The following UTP18 variants were observed in gnomAD, a reference collection of about 807,000 sequenced individuals.
UTP18 encodes UTP18 small subunit processome component.
In UTP18, 36 loss-of-function variants were observed where a neutral mutation model predicts 61.1. That is an observed-to-expected ratio of 0.59 (90% CI 0.45 to 0.78). The LOEUF (loss-of-function observed/expected upper bound fraction) is 0.78, where lower values mean the gene tolerates loss of function less well. Ranked by LOEUF, UTP18 falls within the 30% of genes least tolerant of loss-of-function variation. The probability of loss-of-function intolerance (pLI) is 0.00; values close to 1 mark genes in which losing one functional copy is unlikely to be tolerated. For missense variants in UTP18, 753 were observed against 693.9 expected (o/e 1.09, Z -0.96); for synonymous variants, 282 against 251.1 (o/e 1.12, Z -1.16).
Position 51,293,680 on chromosome 17 carries a change from T to C in UTP18, c.1504-223T>C, listed in dbSNP as rs1163934319. 2.6e-5 allele frequency among the ~76,000 whole-genome samples: 4 copies of C among 152,254 alleles called. 1 individual carries two copies. The South Asian group carries it at 8.3e-4, about 32-fold the overall frequency. ...ACTTCACCACTGTGCAAGAAATTCA[T>C]GTAGCAAAACTGCAGCTGTATCTCT... On this transcript the variant is annotated intron_variant, in intron 11 of 13. Coordinates refer to ENST00000225298, the MANE Select transcript of UTP18 (RefSeq NM_016001.3).
At chr17:51,281,138 C>CAA (rs1158351524) in intron 9 of UTP18, among the ~76,000 whole-genome samples, 59 of 136,726 alleles carry the variant, frequency 4.3e-4, no homozygotes, top group African/African-American at 1.7e-3. Context: ...GATCACGTCT[C>CAA]AAAATATATA....
At chr17:51,292,003 A>G (rs1253962615) in intron 11 of UTP18, among the ~76,000 whole-genome samples, 1 of 152,202 alleles carries the variant, frequency 6.6e-6, no homozygotes, top group Non-Finnish European at 1.5e-5. Context: ...GCTTTGGATC[A>G]TCTGTTCATA....
chr17:51,270,565 G>A (rs965259229), intron 4 of UTP18, among the ~76,000 whole-genome samples: 2 of 152,288 alleles, frequency 1.3e-5, no homozygotes, highest in East Asian at 1.9e-4. Flanking sequence ...TAAAATTGGG[G>A]TGGTAGGAAG....
rs199741655 is a variant in UTP18 at position 51,267,461 on chromosome 17, GT to G, written c.554+1194del. Among the ~76,000 whole-genome samples the G allele has an allele frequency of 2.2e-3, 317 of 141,600 alleles. 1 individual carries two copies. The highest frequency in any genetic ancestry group is 6.3e-3 in the African/African-American group (241 of 38,054). The allele number at this position is 141,600 out of a possible 152,430, so 92.9% of individuals were successfully genotyped here. ...ATCTAGTTCTAAAACTTTTTTTTTG[GT>G]TTTTTTTTTTTTGGTTCTTAAACAT... On this transcript the variant is annotated intron_variant, in intron 3 of 13. Coordinates refer to ENST00000225298, the MANE Select transcript of UTP18 (RefSeq NM_016001.3).
At chr17:51,292,336 A>G (rs1207802436) in intron 11 of UTP18, among the ~76,000 whole-genome samples, 2 of 152,254 alleles carry the variant, frequency 1.3e-5, no homozygotes, top group Non-Finnish European at 2.9e-5. Flanking sequence ...CATTAGCACC[A>G]TTGCCTTCAC....
chr17:51,278,958 A>G (rs1263916403), intron 7 of UTP18, among the ~76,000 whole-genome samples: 1 of 152,166 alleles, frequency 6.6e-6, no homozygotes, highest in Non-Finnish European at 1.5e-5. Context: ...GGGAGACAGG[A>G]CTAGAGTGGG....
intron 4 of UTP18, among the ~76,000 whole-genome samples, chr17:51,272,405 T>C (rs1194877769): frequency 6.6e-6 from 1 of 152,160 alleles, no homozygotes. Flanking sequence ...GGCCTGAACA[T>C]AGTATTTTTA....
rs1350185337 is a variant in UTP18, at chr17:51,297,818, A to G, written c.*51A>G. On this transcript the variant is annotated 3_prime_UTR_variant, in exon 14 of 14. Transcript: ENST00000225298. ...TCACAAGAGAAGCCTGTCTTGATAT[A>G]TCATCTCAGAAACTTTCCTGAATAT... 1 of 387,318 alleles carries G rather than the reference A, an allele frequency of 2.6e-6. No individual in the cohort carries two copies. The highest frequency in any genetic ancestry group is 2.2e-5 in the African/African-American group (1 of 44,656). The allele number at this position is 387,318 out of a possible 1,614,324, so 24.0% of individuals were successfully genotyped here.
At chr17:51,280,335 G>A in intron 8 of UTP18, 54 bp from the exon 9 acceptor site, 1 of 1,578,438 alleles carries the variant, frequency 6.3e-7, no homozygotes, top group Non-Finnish European at 8.7e-7. Flanking sequence ...TCTACATTGT[G>A]TGATTCTTCT....
intron 12 of UTP18, 98 bp from the exon 13 acceptor site, chr17:51,296,867 T>C (rs1389272042): frequency 2.7e-6 from 3 of 1,126,038 alleles, no homozygotes; most frequent in Non-Finnish European, 3.8e-6. Context: ...TACATATTTT[T>C]CCCACTAAAA....
intron 7 of UTP18, among the ~76,000 whole-genome samples, chr17:51,278,178 C>T (rs1442445484): frequency 2.0e-5 from 3 of 152,118 alleles, no homozygotes; most frequent in Non-Finnish European, 4.4e-5. Flanking sequence ...CCTTGGTTTA[C>T]CCTAAGGCAG....
chr17:51,270,643 T>G, intron 4 of UTP18, among the ~76,000 whole-genome samples: 1 of 152,188 alleles, frequency 6.6e-6, no homozygotes, highest in East Asian at 1.9e-4. Flanking sequence ...TCTTCCAGAG[T>G]TGCCTAAGAT....
intron 9 of UTP18, among the ~76,000 whole-genome samples, chr17:51,281,164 A>ATAT (rs59857038): frequency 0.011 from 1,526 of 140,368 alleles, 35 homozygotes; most frequent in Middle Eastern, 0.03. Context: ...ATATATATAT[A>ATAT]TTTTTTTTAA....
intron 9 of UTP18, among the ~76,000 whole-genome samples, chr17:51,282,995 A>T (rs1447179861): frequency 3.4e-5 from 5 of 145,006 alleles, no homozygotes; most frequent in African/African-American, 1.3e-4. Context: ...CAGCCTCCTG[A>T]GTAGCTGGAA....
At chr17:51,291,108 A>G (rs1905227244) in intron 11 of UTP18, among the ~76,000 whole-genome samples, 1 of 152,242 alleles carries the variant, frequency 6.6e-6, no homozygotes, top group African/African-American at 2.4e-5. Context: ...AAATGGTATT[A>G]GAAAGCTGGC....
chr17:51,270,634 C>A (rs765322786), intron 4 of UTP18, among the ~76,000 whole-genome samples: 18 of 152,142 alleles, frequency 1.2e-4, no homozygotes, highest in Non-Finnish European at 1.6e-4. Flanking sequence ...CAGGTTGGTT[C>A]TTCCAGAGTT....
chr17:51,274,918 C>T (rs1904665419), intron 5 of UTP18, among the ~76,000 whole-genome samples: 1 of 151,832 alleles, frequency 6.6e-6, no homozygotes, highest in Non-Finnish European at 1.5e-5. Flanking sequence ...TACCACATGG[C>T]CGGGCGCAGT....
At chr17:51,289,686 T>C (rs1421065840) in intron 11 of UTP18, among the ~76,000 whole-genome samples, 1 of 152,190 alleles carries the variant, frequency 6.6e-6, no homozygotes, top group Non-Finnish European at 1.5e-5. Flanking sequence ...GGCATAGAAC[T>C]TTGAATAGCA....
intron 9 of UTP18, among the ~76,000 whole-genome samples, chr17:51,282,227 A>G (rs1904955436): frequency 6.6e-6 from 1 of 152,234 alleles, no homozygotes; most frequent in African/African-American, 2.4e-5. Context: ...ATTTGACCTC[A>G]GCTAGGAGCA....
Sources: gnomAD v4.1 joint callset for allele counts (sites outside exome capture counted in the v4.1 genomes callset) on GRCh38, gnomAD v4.1.1 for gene constraint, MANE v1.5 for transcripts, NCBI Gene and HGNC (gene_info 2026-07-23, HGNC 2026-07-21) for gene names.